CACUL1: variants seen among roughly 807,000 people sequenced by gnomAD.
CACUL1 encodes CDK2-associated and cullin domain-containing protein 1.
A neutral mutation model predicts 45.2 loss-of-function variants in CACUL1; 13 were observed. That is an observed-to-expected ratio of 0.29 (90% CI 0.19 to 0.46). The LOEUF (loss-of-function observed/expected upper bound fraction) is 0.46. Among genes scored for constraint, CACUL1 ranks in the 20% least tolerant of loss-of-function variants. CACUL1 has a pLI of 1.00. For synonymous variants in CACUL1, 197 were observed against 174.2 expected (o/e 1.13, Z -1.03); for missense variants, 421 against 471.4 (o/e 0.89, Z 0.99).
intron 4 of CACUL1, among the ~76,000 whole-genome samples, chr10:118,706,097 C>T (rs1269220082): frequency 6.6e-6 from 1 of 152,222 alleles, no homozygotes; most frequent in Non-Finnish European, 1.5e-5. Flanking sequence ...AATGGCAATA[C>T]AGAAAAGCGT....
chr10:118,754,588 C>T lies in CACUL1; in HGVS notation c.175G>A (p.Ala59Thr). 1.2e-6 allele frequency: 2 copies of T among 1,609,080 alleles called. No homozygotes were observed. Among genetic ancestry groups the T allele is most frequent in the Admixed American group, 3.4e-5 (2 of 59,398 alleles). Residue 59 changes from alanine to threonine, a missense_variant, in exon 1 of 9, where the codon GCG becomes ACG. Ala to Thr is a moderately conservative substitution (Grantham distance 58, BLOSUM62 0). Coordinates refer to ENST00000369151, the MANE Select transcript of CACUL1 (RefSeq NM_153810.5). ...AREPPGGQLL[A>T]VPAVSVDRKG... is the part of the protein sequence containing the mutation. ...CTGTCCACGGAGACCGCGGGCACCGCCAGCAGCTGCCCCCCCGGAGGCTCT... is the reference window on the plus strand; with the variant it reads ...CTGTCCACGGAGACCGCGGGCACCGTCAGCAGCTGCCCCCCCGGAGGCTCT...
chr10:118,741,266 C>T (rs1228319146), intron 1 of CACUL1, among the ~76,000 whole-genome samples: 3 of 151,938 alleles, frequency 2.0e-5, no homozygotes, highest in African/African-American at 4.8e-5. Flanking sequence ...TTTTTAAGTA[C>T]GAAGAGTTTG....
chr10:118,710,513 A>G (rs750001856), intron 3 of CACUL1, among the ~76,000 whole-genome samples: 40 of 152,184 alleles, frequency 2.6e-4, no homozygotes, highest in Admixed American at 1.3e-3. Flanking sequence ...AGCACTCCCC[A>G]AAAGACATAA....
At chr10:118,719,560 C>T (rs1293069383) in intron 3 of CACUL1, among the ~76,000 whole-genome samples, 1 of 152,100 alleles carries the variant, frequency 6.6e-6, no homozygotes, top group Non-Finnish European at 1.5e-5. Flanking sequence ...ACCTGTAATC[C>T]CAGCACTTTG....
chr10:118,740,062 G>A (rs1427932598), intron 1 of CACUL1, among the ~76,000 whole-genome samples: 4 of 152,050 alleles, frequency 2.6e-5, no homozygotes, highest in Admixed American at 2.0e-4. Flanking sequence ...TGGGAGGATC[G>A]CTTGAACTTG....
At chr10:118,696,190 C>G (rs1255408354) in intron 5 of CACUL1, among the ~76,000 whole-genome samples, 1 of 152,166 alleles carries the variant, frequency 6.6e-6, no homozygotes, top group African/African-American at 2.4e-5. Context: ...ATTTTATCAT[C>G]AGTAGATAGT....
intron 1 of CACUL1, among the ~76,000 whole-genome samples, chr10:118,751,460 ATATGACTC>A (rs1279146135): frequency 1.3e-5 from 2 of 152,188 alleles, no homozygotes; most frequent in Admixed American, 1.3e-4. Context: ...CCCTAACAAC[ATATGACTC>A]CTTTCTCCAG....
chr10:118,730,107 C>A (rs184411056), intron 2 of CACUL1, among the ~76,000 whole-genome samples, 177 bp downstream of exon 2: 1 of 152,240 alleles, frequency 6.6e-6, no homozygotes, highest in African/African-American at 2.4e-5. Flanking sequence ...ATCTGAAAAC[C>A]ACTTTTGAAT....
chr10:118,710,811 A>C (rs1845477014), intron 3 of CACUL1, among the ~76,000 whole-genome samples: 1 of 152,094 alleles, frequency 6.6e-6, no homozygotes, highest in Non-Finnish European at 1.5e-5. Context: ...CTAAACTTTG[A>C]CTCTAAATCT....
At chr10:118,725,930 C>A (rs1367137479) in intron 3 of CACUL1, among the ~76,000 whole-genome samples, 1 of 152,112 alleles carries the variant, frequency 6.6e-6, no homozygotes, top group Non-Finnish European at 1.5e-5. Flanking sequence ...ATAAATAAGT[C>A]CCTCTGACAT....
intron 4 of CACUL1, among the ~76,000 whole-genome samples, chr10:118,704,868 C>T (rs1845418573): frequency 6.6e-6 from 1 of 152,212 alleles, no homozygotes; most frequent in Non-Finnish European, 1.5e-5. Flanking sequence ...CCTCATTCTT[C>T]TTGGGCGCAG....
intron 3 of CACUL1, among the ~76,000 whole-genome samples, chr10:118,709,732 A>G (rs1488608110): frequency 6.6e-6 from 1 of 152,242 alleles, no homozygotes; most frequent in African/African-American, 2.4e-5. Context: ...AAGCTGTTTC[A>G]TAAATGTCCA....
intron 3 of CACUL1, among the ~76,000 whole-genome samples, chr10:118,714,844 G>A (rs1845526680): frequency 6.6e-6 from 1 of 152,190 alleles, no homozygotes; most frequent in Middle Eastern, 3.2e-3. Flanking sequence ...CCGCAAGCAT[G>A]TGGAAATGAA....
At chr10:118,737,592 AAC>A (rs556906345) in intron 1 of CACUL1, among the ~76,000 whole-genome samples, 6 of 152,156 alleles carry the variant, frequency 3.9e-5, no homozygotes, top group Admixed American at 2.0e-4. Flanking sequence ...TTGTAGAGCA[AAC>A]ACACAGTTAC....
intron 5 of CACUL1, among the ~76,000 whole-genome samples, chr10:118,700,051 A>C (rs1845363605): frequency 6.6e-6 from 1 of 152,134 alleles, no homozygotes; most frequent in Non-Finnish European, 1.5e-5. Context: ...TATTCTTTGA[A>C]AAAAAAACCC....
At chr10:118,686,790 T>G (rs1174324243) in intron 7 of CACUL1, 149 bp from the exon 8 acceptor site, 9 of 641,004 alleles carry the variant, frequency 1.4e-5, no homozygotes. Context: ...AGAATCCTGA[T>G]GTACCTCACT....
intron 3 of CACUL1, among the ~76,000 whole-genome samples, chr10:118,727,141 T>C (rs4272719): frequency 0.76 from 115,302 of 151,972 alleles, 43,924 homozygotes; most frequent in Non-Finnish European, 0.8. Context: ...GTAATCCTAG[T>C]ACTTTGGGAG....
intron 3 of CACUL1, among the ~76,000 whole-genome samples, chr10:118,726,749 A>C (rs1348703938): frequency 6.6e-6 from 1 of 152,220 alleles, no homozygotes; most frequent in African/African-American, 2.4e-5. Flanking sequence ...TGATGTCGAG[A>C]AAATACCTTA....
chr10:118,715,405 G>A (rs1433035790), intron 3 of CACUL1, among the ~76,000 whole-genome samples: 1 of 152,144 alleles, frequency 6.6e-6, no homozygotes, highest in Non-Finnish European at 1.5e-5. Context: ...TTTAGAAGAG[G>A]ATTATTTGTT....
Sources: allele counts gnomAD v4.1 joint callset (sites outside exome capture counted in the v4.1 genomes callset), GRCh38; gene constraint gnomAD v4.1.1; transcripts MANE v1.5; gene names NCBI Gene and HGNC (gene_info 2026-07-23, HGNC 2026-07-21).